Variants in PARP16 observed in about 807,000 individuals in gnomAD.
PARP16 encodes protein mono-ADP-ribosyltransferase PARP16.
PARP16 carries 31 observed loss-of-function variants against 35.0 expected under a neutral mutation model. The ratio of observed to expected loss-of-function variants is 0.88; its 90% confidence interval spans 0.66 to 1.19. PARP16 has a LOEUF of 1.19. Ranked by LOEUF, PARP16 falls within the 50% of genes most tolerant of loss-of-function variation. The probability of loss-of-function intolerance (pLI) is 0.00; values close to 1 mark genes in which losing one functional copy is unlikely to be tolerated. For synonymous variants in PARP16, 162 were observed against 169.5 expected, an observed-to-expected ratio of 0.96 and a Z score of 0.34; for missense variants, 424 against 411.2, an observed-to-expected ratio of 1.03 and a Z score of -0.27.
intron 3 of PARP16, among the ~76,000 whole-genome samples, chr15:65,243,366 T>C (rs1009812984): frequency 6.6e-6 from 1 of 152,126 alleles, no homozygotes; most frequent in Non-Finnish European, 1.5e-5. Flanking sequence ...TCCTCCTGCC[T>C]CAGCCTCCCA....
chr15:65,282,298 C>T (rs373187201), intron 1 of PARP16, among the ~76,000 whole-genome samples: 9 of 152,194 alleles, frequency 5.9e-5, no homozygotes, highest in Admixed American at 2.6e-4. Context: ...TGTGAACCAC[C>T]GTGCCCAGCC....
At chr15:65,242,321 A>G (rs2089101857) in intron 3 of PARP16, among the ~76,000 whole-genome samples, 1 of 152,172 alleles carries the variant, frequency 6.6e-6, no homozygotes, top group Admixed American at 6.5e-5. Context: ...TAATTGCATA[A>G]TACTTTAAAA....
downstream of PARP16, among the ~76,000 whole-genome samples, chr15:65,256,212 A>G (rs1204845604): frequency 3.9e-5 from 6 of 152,096 alleles, no homozygotes; most frequent in East Asian, 1.2e-3. Flanking sequence ...CCTTAAAAAC[A>G]AGTAATAATA....
chr15:65,232,657 C>CT (rs1222917727), downstream of PARP16, among the ~76,000 whole-genome samples: 2 of 152,114 alleles, frequency 1.3e-5, no homozygotes, highest in East Asian at 3.8e-4. Context: ...AATCCCTACA[C>CT]TTAGGGAGGC....
intron 5 of PARP16, among the ~76,000 whole-genome samples, chr15:65,260,264 G>C (rs1316770137): frequency 5.3e-5 from 8 of 152,144 alleles, no homozygotes. Flanking sequence ...CCTGCAAGAA[G>C]CACCATCATG....
chr15:65,243,008 C>T (rs12593489), intron 3 of PARP16, among the ~76,000 whole-genome samples: 34,128 of 152,014 alleles, frequency 0.22, 4,536 homozygotes, highest in Admixed American at 0.31. Flanking sequence ...AGCCACTGCG[C>T]CTGGTCCCTC....
At chr15:65,273,155 G>A (rs2090141688) in intron 1 of PARP16, among the ~76,000 whole-genome samples, 1 of 151,826 alleles carries the variant, frequency 6.6e-6, no homozygotes, top group Non-Finnish European at 1.5e-5. Context: ...GCATGTGCCT[G>A]TAGTCCCAGC....
At chr15:65,257,263 A>G (rs1310075051), downstream of PARP16, among the ~76,000 whole-genome samples, 1 of 152,128 alleles carries the variant, frequency 6.6e-6, no homozygotes, top group Non-Finnish European at 1.5e-5. Context: ...CTAAAAACAC[A>G]AAAATTAGCC....
Position 65,270,964 on chromosome 15 carries a change from G to A in PARP16, c.283C>T (p.Leu95=), listed in dbSNP as rs1215630022. 1.9e-6 allele frequency: 3 copies of A among 1,614,050 alleles called. No homozygotes were observed. The highest frequency in any genetic ancestry group is 2.7e-5 in the African/African-American group (2 of 74,898). ...LVSWILSSKV[L]TIHSAGKAEF... ...GCCTTCCCTGCACTGTGGATTGTCA[G>A]GACCTTTGAGGATAAAATCCAGCTC... The change falls in exon 2 of 6, where the codon CTG becomes TTG. Residue 95 remains leucine (L), a synonymous_variant. Coordinates refer to ENST00000649807, the MANE Select transcript of PARP16 (RefSeq NM_001316943.2).
intron 3 of PARP16, among the ~76,000 whole-genome samples, chr15:65,236,625 C>A (rs1344518451): frequency 6.6e-6 from 1 of 152,204 alleles, no homozygotes; most frequent in East Asian, 1.9e-4. Context: ...TGGGCTAGGG[C>A]CAGGCCCCTG....
downstream of PARP16, among the ~76,000 whole-genome samples, chr15:65,256,750 C>T (rs1389108423): frequency 6.6e-6 from 1 of 152,134 alleles, no homozygotes; most frequent in Non-Finnish European, 1.5e-5. Context: ...CCCTGTCTAC[C>T]TCTCCAGCCT....
intron 3 of PARP16, among the ~76,000 whole-genome samples, chr15:65,246,150 G>C (rs975839058): frequency 3.3e-5 from 5 of 152,100 alleles, no homozygotes; most frequent in Non-Finnish European, 5.9e-5. Flanking sequence ...CACTTCCAGA[G>C]AATTTCCCAA....
chr15:65,254,921 C>G (rs1304999251), downstream of PARP16, among the ~76,000 whole-genome samples: 1 of 152,194 alleles, frequency 6.6e-6, no homozygotes, highest in Non-Finnish European at 1.5e-5. Context: ...TAGAGTAAAA[C>G]TCTTTCCCTT....
intron 3 of PARP16, among the ~76,000 whole-genome samples, chr15:65,265,786 C>T (rs1195710845): frequency 2.0e-5 from 3 of 152,206 alleles, no homozygotes; most frequent in East Asian, 1.9e-4. Flanking sequence ...GTCCAGGGAA[C>T]GCACAGTGGA....
intron 1 of PARP16, among the ~76,000 whole-genome samples, chr15:65,271,629 T>A (rs2090098443): frequency 6.6e-6 from 1 of 152,088 alleles, no homozygotes; most frequent in Non-Finnish European, 1.5e-5. Flanking sequence ...CCTGAGCTGA[T>A]GTGAGGTTTA....
At chr15:65,236,324 C>G (rs1170083209) in intron 3 of PARP16, among the ~76,000 whole-genome samples, 1 of 152,166 alleles carries the variant, frequency 6.6e-6, no homozygotes, top group South Asian at 2.1e-4. Context: ...CAATTATGAA[C>G]TTTGATGGTC....
Position 65,250,106 on chromosome 15 carries a change from C to CTT in PARP16, c.203-1879_203-1878insAA, listed in dbSNP as rs1567013240. Among the ~76,000 whole-genome samples the CTT allele has an allele frequency of 1.1e-4, 11 of 104,196 alleles. 1 individual carries two copies. The highest frequency in any genetic ancestry group is 1.9e-4 in the African/African-American group (5 of 26,144). 68.4% of individuals were successfully genotyped at this position (104,196 alleles called of 152,430 possible). ...CTAGCTGCAGCCTTGCACCTGCTTG[C>CTT]CTTTTTTTTTTTTTTTTTTTTTTTT... On this transcript the variant is annotated intron_variant and NMD_transcript_variant, in intron 2 of 3. Transcript: ENST00000559805.
At chr15:65,271,541 C>A (rs1016129765) in intron 1 of PARP16, among the ~76,000 whole-genome samples, 11 of 152,106 alleles carry the variant, frequency 7.2e-5, no homozygotes, top group African/African-American at 2.4e-4. Flanking sequence ...TTCCAAAGTG[C>A]TGGGATTACA....
At chr15:65,241,873 A>C (rs1339222663) in intron 3 of PARP16, among the ~76,000 whole-genome samples, 1 of 152,108 alleles carries the variant, frequency 6.6e-6, no homozygotes, top group African/African-American at 2.4e-5. Flanking sequence ...TTCTAGTGGT[A>C]TCATTAGAGA....
Sources: allele counts gnomAD v4.1 joint callset (sites outside exome capture counted in the v4.1 genomes callset), GRCh38; gene constraint gnomAD v4.1.1; transcripts MANE v1.5; gene names NCBI Gene and HGNC (gene_info 2026-07-23, HGNC 2026-07-21).